Variants in HYCC1 observed in about 807,000 individuals in gnomAD.
HYCC1 encodes hyccin.
the HYCC1 span, among the ~76,000 whole-genome samples, chr7:22,986,839 C>T: frequency 1.3e-5 from 2 of 152,112 alleles, no homozygotes; most frequent in African/African-American, 2.4e-5. Flanking sequence ...CAGAACGAGA[C>T]TCTGTCTCAA....
chr7:22,976,949 G>A, the HYCC1 span: 5 of 627,050 alleles, frequency 8.0e-6, no homozygotes, highest in African/African-American at 1.9e-5. Context: ...CAAATTTTCT[G>A]CTCGAAGATT....
the HYCC1 span, among the ~76,000 whole-genome samples, chr7:22,977,758 A>G: frequency 6.6e-6 from 1 of 152,198 alleles, no homozygotes; most frequent in Non-Finnish European, 1.5e-5. Context: ...ATGACCTTAT[A>G]TTTCTTTTCT....
the HYCC1 span, among the ~76,000 whole-genome samples, chr7:22,995,379 T>C: frequency 6.6e-6 from 1 of 152,134 alleles, no homozygotes; most frequent in African/African-American, 2.4e-5. Flanking sequence ...GAAGTCTAAA[T>C]TCCTAGAAGT....
the HYCC1 span, chr7:22,947,115 T>G: frequency 6.4e-7 from 1 of 1,550,552 alleles, no homozygotes; most frequent in Non-Finnish European, 8.7e-7. Flanking sequence ...CTGTATATGC[T>G]GAGCATCAAT....
chr7:22,948,655 G>T, the HYCC1 span, among the ~76,000 whole-genome samples: 1 of 151,990 alleles, frequency 6.6e-6, no homozygotes, highest in African/African-American at 2.4e-5. Context: ...ACTTCTGGGA[G>T]CCCCTCCTCA....
At chr7:23,007,672 C>G in the HYCC1 span, among the ~76,000 whole-genome samples, 1 of 152,012 alleles carries the variant, frequency 6.6e-6, no homozygotes, top group Non-Finnish European at 1.5e-5. Context: ...AAAGGTAATA[C>G]AAAAGGAATA....
At chr7:22,941,629 C>T in the HYCC1 span, 1 of 152,006 alleles carries the variant, frequency 6.6e-6, no homozygotes, top group Non-Finnish European at 1.5e-5. Context: ...CTCTAAAACT[C>T]TACTATAAAA....
At chr7:22,953,266 C>T in the HYCC1 span, among the ~76,000 whole-genome samples, 1 of 151,906 alleles carries the variant, frequency 6.6e-6, no homozygotes, top group African/African-American at 2.4e-5. Context: ...TATTACAAAA[C>T]TACCTGTAAA....
the HYCC1 span, among the ~76,000 whole-genome samples, chr7:22,899,840 T>C: frequency 6.6e-6 from 1 of 152,210 alleles, no homozygotes; most frequent in Non-Finnish European, 1.5e-5. Flanking sequence ...AATTAATCTT[T>C]TTTTTCTCTC....
chr7:22,968,573 C>G, the HYCC1 span, among the ~76,000 whole-genome samples: 1 of 152,150 alleles, frequency 6.6e-6, no homozygotes. Flanking sequence ...AGTACTCTTC[C>G]AATTGTATTA....
chr7:22,917,235 G>A, the HYCC1 span, among the ~76,000 whole-genome samples: 2 of 152,122 alleles, frequency 1.3e-5, no homozygotes, highest in South Asian at 4.1e-4. Flanking sequence ...CAAGGCAAAT[G>A]GTTCTTGAAC....
chr7:22,992,406 G>A, the HYCC1 span, among the ~76,000 whole-genome samples: 10 of 151,980 alleles, frequency 6.6e-5, no homozygotes, highest in East Asian at 1.9e-3. Context: ...TATATGTACT[G>A]TATTATTGAT....
chr7:23,008,778 C>G, the HYCC1 span, among the ~76,000 whole-genome samples: 1 of 151,898 alleles, frequency 6.6e-6, no homozygotes, highest in South Asian at 2.1e-4. Context: ...CCTCTGAAGA[C>G]GATAACTGTT....
chr7:22,918,533 T>C, the HYCC1 span, among the ~76,000 whole-genome samples: 1 of 152,086 alleles, frequency 6.6e-6, no homozygotes, highest in Admixed American at 6.5e-5. Flanking sequence ...ATTTTTCTTA[T>C]GAATATAAGA....
the HYCC1 span, chr7:22,937,322 C>G: frequency 1.3e-5 from 2 of 152,108 alleles, no homozygotes; most frequent in Non-Finnish European, 2.9e-5. Context: ...AGACAAGGAG[C>G]AAGAATTCAG....
the HYCC1 span, chr7:22,990,972 G>C: frequency 1.2e-6 from 1 of 850,942 alleles, no homozygotes. Flanking sequence ...TAGCCTTTCA[G>C]TCATATAAAA....
At chr7:22,946,706 C>G in the HYCC1 span, among the ~76,000 whole-genome samples, 1 of 151,792 alleles carries the variant, frequency 6.6e-6, no homozygotes, top group Admixed American at 6.6e-5. Flanking sequence ...GGCAAAAAGA[C>G]AAAGCCGAAA....
chr7:22,993,946 T>C, the HYCC1 span, among the ~76,000 whole-genome samples: 1 of 152,212 alleles, frequency 6.6e-6, no homozygotes, highest in Non-Finnish European at 1.5e-5. Context: ...CTGAAAGCTA[T>C]GTTCAGAAAA....
the HYCC1 span, among the ~76,000 whole-genome samples, chr7:22,985,909 T>C: frequency 1.3e-5 from 2 of 150,084 alleles, no homozygotes; most frequent in Non-Finnish European, 3.0e-5. Context: ...GTTACATGTA[T>C]ACATGTCTAT....
Sources: gnomAD v4.1 joint callset for allele counts (sites outside exome capture counted in the v4.1 genomes callset) on GRCh38, gnomAD v4.1.1 for gene constraint, MANE v1.5 for transcripts, NCBI Gene and HGNC (gene_info 2026-07-23, HGNC 2026-07-21) for gene names.